Variants in GPC5 observed in about 807,000 individuals in gnomAD.
The protein encoded by GPC5 is glypican-5.
Under a neutral mutation model 53.9 loss-of-function variants are expected in GPC5, and 47 were observed. That is an observed-to-expected ratio of 0.87 (90% CI 0.69 to 1.11). The LOEUF (loss-of-function observed/expected upper bound fraction) is 1.11. Ranked by LOEUF, GPC5 falls within the 50% of genes most tolerant of loss-of-function variation. The probability of loss-of-function intolerance (pLI) is 0.00; values close to 1 mark genes in which losing one functional copy is unlikely to be tolerated. For synonymous variants in GPC5, 286 were observed against 263.3 expected (o/e 1.09, Z -0.84); for missense variants, 748 against 713.1 (o/e 1.05, Z -0.56).
intron 7 of GPC5, among the ~76,000 whole-genome samples, chr13:92,529,805 G>T (rs1881489748): frequency 6.6e-6 from 1 of 152,168 alleles, no homozygotes; most frequent in African/African-American, 2.4e-5. Context: ...AAATATGGCT[G>T]GGCATGATGG....
chr13:92,749,781 G>A (rs553967680), intron 7 of GPC5, among the ~76,000 whole-genome samples: 21 of 152,174 alleles, frequency 1.4e-4, no homozygotes, highest in African/African-American at 4.3e-4. Flanking sequence ...TCATAGACCC[G>A]CTAATTTGTA....
chr13:92,298,926 A>G (rs541989368), intron 7 of GPC5, among the ~76,000 whole-genome samples: 2 of 152,300 alleles, frequency 1.3e-5, no homozygotes, highest in Admixed American at 6.5e-5. Context: ...AGGTGAAACA[A>G]TCCTTTTACT....
chr13:92,624,281 G>C (rs1884977480), intron 7 of GPC5, among the ~76,000 whole-genome samples: 1 of 152,044 alleles, frequency 6.6e-6, no homozygotes, highest in Non-Finnish European at 1.5e-5. Context: ...TGTTGGCCAG[G>C]CTGGTCTCAA....
chr13:91,926,913 A>G (rs929321910), intron 6 of GPC5, among the ~76,000 whole-genome samples: 12 of 152,302 alleles, frequency 7.9e-5, no homozygotes, highest in African/African-American at 2.9e-4. Flanking sequence ...AGTTTCTACC[A>G]TGATTATATT....
chr13:91,614,025 G>A (rs981036651), intron 2 of GPC5, among the ~76,000 whole-genome samples: 4 of 152,312 alleles, frequency 2.6e-5, no homozygotes, highest in South Asian at 2.1e-4. Context: ...AGTGGATATC[G>A]AATACCATAT....
intron 7 of GPC5, among the ~76,000 whole-genome samples, chr13:92,453,524 T>C (rs1485600850): frequency 6.6e-6 from 1 of 152,208 alleles, no homozygotes; most frequent in Non-Finnish European, 1.5e-5. Context: ...AGAGAGAAAG[T>C]GAAACCATAT....
Position 91,401,885 on chromosome 13 carries a change from A to G in GPC5, c.163+2676A>G, listed in dbSNP as rs183632214. 4.3e-3 allele frequency among the ~76,000 whole-genome samples: 662 copies of G among 152,296 alleles called. 11 individuals are homozygous for G. The highest frequency in any genetic ancestry group is 0.016 in the African/African-American group (645 of 41,580). On this transcript the variant is annotated intron_variant, in intron 1 of 7. Coordinates refer to ENST00000377067, the MANE Select transcript of GPC5 (RefSeq NM_004466.6). ...TTGGATGAGAAATGTAAAAAAGGAG[A>G]GAAGGTGTAAATGTGATTAGAATTA...
chr13:92,293,190 C>T (rs2043009592), intron 7 of GPC5, among the ~76,000 whole-genome samples: 1 of 151,288 alleles, frequency 6.6e-6, no homozygotes, highest in Admixed American at 6.6e-5. Flanking sequence ...ATTTTTTTTT[C>T]TAATTCTTGA....
intron 6 of GPC5, among the ~76,000 whole-genome samples, chr13:92,007,454 C>T (rs1175328702): frequency 6.6e-6 from 1 of 152,004 alleles, no homozygotes; most frequent in Admixed American, 6.6e-5. Context: ...TGAATTTGCC[C>T]TTTTGTCATT....
chr13:92,645,838 T>C, intron 7 of GPC5, among the ~76,000 whole-genome samples: 1 of 148,952 alleles, frequency 6.7e-6, no homozygotes, highest in East Asian at 1.9e-4. Flanking sequence ...AAGTGTCTTT[T>C]CAAATATTTT....
At chr13:92,778,640 C>A (rs1329781013) in intron 7 of GPC5, among the ~76,000 whole-genome samples, 1 of 152,098 alleles carries the variant, frequency 6.6e-6, no homozygotes, top group Non-Finnish European at 1.5e-5. Context: ...GGAATCGTGT[C>A]TATTCTGTTC....
At chr13:92,380,301 A>T (rs961592388) in intron 7 of GPC5, among the ~76,000 whole-genome samples, 14 of 151,852 alleles carry the variant, frequency 9.2e-5, no homozygotes, top group Admixed American at 4.6e-4. Flanking sequence ...TCCCCAAATA[A>T]TCTCTCAGTG....
At chr13:92,291,338 T>C (rs563288469) in intron 7 of GPC5, among the ~76,000 whole-genome samples, 11 of 152,312 alleles carry the variant, frequency 7.2e-5, no homozygotes, top group African/African-American at 2.6e-4. Context: ...AGAACCTTTA[T>C]GTCTAGCTAA....
intron 6 of GPC5, among the ~76,000 whole-genome samples, chr13:91,934,647 C>A (rs2139036498): frequency 6.6e-6 from 1 of 151,988 alleles, no homozygotes; most frequent in African/African-American, 2.4e-5. Context: ...CCCTTTTTGG[C>A]TCATAAACAT....
chr13:92,580,286 C>A (rs1883329563), intron 7 of GPC5, among the ~76,000 whole-genome samples: 1 of 152,066 alleles, frequency 6.6e-6, no homozygotes, highest in East Asian at 1.9e-4. Flanking sequence ...CAAAGACTGG[C>A]AAATGTAAAT....
chr13:91,843,169 A>G (rs2038809486), intron 5 of GPC5, among the ~76,000 whole-genome samples: 1 of 152,206 alleles, frequency 6.6e-6, no homozygotes, highest in African/African-American at 2.4e-5. Context: ...GAAGAAACAT[A>G]AAACTTGATT....
intron 6 of GPC5, among the ~76,000 whole-genome samples, chr13:92,079,364 T>G (rs1217827983): frequency 6.6e-6 from 1 of 152,248 alleles, no homozygotes; most frequent in Non-Finnish European, 1.5e-5. Flanking sequence ...TCTCACTTCT[T>G]GAGTCAGATC....
intron 2 of GPC5, among the ~76,000 whole-genome samples, chr13:91,596,036 T>C (rs1233641336): frequency 1.3e-5 from 2 of 152,232 alleles, no homozygotes; most frequent in Non-Finnish European, 2.9e-5. Context: ...AATTTTGTTA[T>C]TGAGTTCACA....
intron 5 of GPC5, among the ~76,000 whole-genome samples, chr13:91,872,657 C>T (rs1252150244): frequency 6.6e-6 from 1 of 151,986 alleles, no homozygotes; most frequent in African/African-American, 2.4e-5. Flanking sequence ...TTGAAGTTGA[C>T]TTATTTCTCA....
Sources: gnomAD v4.1 joint callset for allele counts (sites outside exome capture counted in the v4.1 genomes callset) on GRCh38, gnomAD v4.1.1 for gene constraint, MANE v1.5 for transcripts, NCBI Gene and HGNC (gene_info 2026-07-23, HGNC 2026-07-21) for gene names.